ADAMTS12: variants seen among roughly 807,000 people sequenced by gnomAD.
The protein encoded by ADAMTS12 is ADAM metallopeptidase with thrombospondin type 1 motif 12.
A neutral mutation model predicts 167.8 loss-of-function variants in ADAMTS12; 118 were observed. The observed-to-expected ratio is 0.70, with a 90% CI of 0.61 to 0.82. The LOEUF is 0.82. ADAMTS12 is among the 40% of genes least tolerant of loss of function. ADAMTS12 has a pLI of 0.00. For missense variants in ADAMTS12, 1,916 were observed against 1,998.8 expected (o/e 0.96, Z 0.79); for synonymous variants, 704 against 716.9 (o/e 0.98, Z 0.29).
chr5:33,857,602 T>C (rs907000853), intron 2 of ADAMTS12, among the ~76,000 whole-genome samples: 1 of 152,138 alleles, frequency 6.6e-6, no homozygotes, highest in African/African-American at 2.4e-5. Flanking sequence ...GAAAAAAAAC[T>C]GAAGCTCCAA....
At chr5:33,857,179 C>G (rs1478727347) in intron 2 of ADAMTS12, among the ~76,000 whole-genome samples, 1 of 152,168 alleles carries the variant, frequency 6.6e-6, no homozygotes, top group Non-Finnish European at 1.5e-5. Context: ...ACAAATACGG[C>G]ATGATCTCAC....
chr5:33,648,274 A>G (rs1241773564), intron 9 of ADAMTS12, among the ~76,000 whole-genome samples: 1 of 152,244 alleles, frequency 6.6e-6, no homozygotes, highest in Non-Finnish European at 1.5e-5. Context: ...GAGACTAGGT[A>G]GGAGATAATT....
At chr5:33,647,115 A>G (rs1282569789) in intron 9 of ADAMTS12, among the ~76,000 whole-genome samples, 2 of 152,234 alleles carry the variant, frequency 1.3e-5, no homozygotes, top group African/African-American at 4.8e-5. Context: ...TAAATTCCAT[A>G]TACATATAAT....
At chr5:33,589,197 A>C (rs1460075452) in intron 17 of ADAMTS12, among the ~76,000 whole-genome samples, 2 of 152,240 alleles carry the variant, frequency 1.3e-5, no homozygotes, top group Non-Finnish European at 2.9e-5. Context: ...GTTGTACATG[A>C]AATGAAAGAC....
At chr5:33,799,388 C>T (rs751853238) in intron 2 of ADAMTS12, among the ~76,000 whole-genome samples, 3 of 152,224 alleles carry the variant, frequency 2.0e-5, no homozygotes, top group South Asian at 2.1e-4. Context: ...CAAGGGGCTG[C>T]TCATACTTCT....
intron 3 of ADAMTS12, among the ~76,000 whole-genome samples, chr5:33,706,486 A>G (rs1743205150): frequency 6.6e-6 from 1 of 152,144 alleles, no homozygotes; most frequent in Non-Finnish European, 1.5e-5. Flanking sequence ...TTGTTGGTTT[A>G]AAGTCTGTAT....
At chr5:33,589,327 C>T (rs1015173144) in intron 17 of ADAMTS12, among the ~76,000 whole-genome samples, 4 of 152,144 alleles carry the variant, frequency 2.6e-5, no homozygotes, top group African/African-American at 9.7e-5. Context: ...GACTCTAGGT[C>T]TCCTGGCTCT....
Position 33,576,710 on chromosome 5 carries a change from CA to C in ADAMTS12, c.3315del (p.Asn1105LysfsTer16). On this transcript the variant is annotated frameshift_variant, in exon 19 of 24. Transcript: ENST00000504830. LOFTEE classifies it high-confidence loss of function. ...QSLSIQPSEE[N>X]VSSSDTGPTS... Reference sequence around the variant, plus strand: ...GTAGGACCAGTATCTGAACTGGAAACATTTTCCTCACTTGGCTGAATGCTCA... The same window carrying C: ...GTAGGACCAGTATCTGAACTGGAAACTTTTCCTCACTTGGCTGAATGCTCA... The C allele has an allele frequency of 6.2e-7, 1 of 1,614,204 alleles. No individual in the cohort carries two copies. Among genetic ancestry groups the C allele is most frequent in the South Asian group, 1.1e-5 (1 of 91,086 alleles).
intron 16 of ADAMTS12, among the ~76,000 whole-genome samples, chr5:33,612,676 T>A (rs1211058652): frequency 6.6e-6 from 1 of 152,130 alleles, no homozygotes; most frequent in Non-Finnish European, 1.5e-5. Flanking sequence ...TCAAGGGAAA[T>A]TTTTTTCACC....
intron 22 of ADAMTS12, among the ~76,000 whole-genome samples, chr5:33,545,800 G>C (rs1033086667): frequency 2.2e-5 from 3 of 135,082 alleles, no homozygotes; most frequent in Non-Finnish European, 3.1e-5. Context: ...TCATAGGTGG[G>C]AACTGAACAA....
chr5:33,554,365 C>T (rs1476962038), intron 20 of ADAMTS12, among the ~76,000 whole-genome samples: 1 of 152,126 alleles, frequency 6.6e-6, no homozygotes, highest in Non-Finnish European at 1.5e-5. Context: ...GTGGTCTGGA[C>T]ATTGGTGGTC....
At chr5:33,779,388 G>A (rs1388051858) in intron 2 of ADAMTS12, among the ~76,000 whole-genome samples, 1 of 152,036 alleles carries the variant, frequency 6.6e-6, no homozygotes, top group Non-Finnish European at 1.5e-5. Flanking sequence ...GTTTCACCAT[G>A]TTGGTCAGGC....
At chr5:33,530,202 A>T (rs149203601) in intron 23 of ADAMTS12, among the ~76,000 whole-genome samples, 1,862 of 152,226 alleles carry the variant, frequency 0.012, 36 homozygotes, top group African/African-American at 0.043. Flanking sequence ...CTAGGATTAC[A>T]GGTGTGAGCC....
At chr5:33,691,652 T>C (rs533623385) in intron 3 of ADAMTS12, among the ~76,000 whole-genome samples, 2 of 152,310 alleles carry the variant, frequency 1.3e-5, no homozygotes, top group South Asian at 2.1e-4. Flanking sequence ...AGATGGGTGA[T>C]GGACCAGCAA....
intron 2 of ADAMTS12, among the ~76,000 whole-genome samples, chr5:33,792,111 C>T (rs1009983800): frequency 4.6e-5 from 7 of 151,642 alleles, no homozygotes; most frequent in African/African-American, 1.7e-4. Context: ...AATTCTCCTG[C>T]CCCAGGCTCC....
chr5:33,725,381 G>C (rs942075623), intron 3 of ADAMTS12, among the ~76,000 whole-genome samples: 3 of 152,156 alleles, frequency 2.0e-5, no homozygotes, highest in African/African-American at 7.2e-5. Flanking sequence ...AGAGCCAGCT[G>C]TTCCTCCCCT....
At chr5:33,627,929 G>A (rs11742209) in intron 13 of ADAMTS12, among the ~76,000 whole-genome samples, 53,105 of 152,020 alleles carry the variant, frequency 0.35, 10,380 homozygotes, top group African/African-American at 0.54. Flanking sequence ...TAGGTGGATT[G>A]AAGACATTGA....
intron 19 of ADAMTS12, among the ~76,000 whole-genome samples, chr5:33,567,028 T>C (rs925716114): frequency 6.6e-6 from 1 of 152,232 alleles, no homozygotes; most frequent in Non-Finnish European, 1.5e-5. Context: ...AATCATCACC[T>C]TGTATTGCCT....
chr5:33,793,677 C>G (rs944429383), intron 2 of ADAMTS12, among the ~76,000 whole-genome samples: 3 of 152,102 alleles, frequency 2.0e-5, no homozygotes, highest in Non-Finnish European at 2.9e-5. Context: ...TTAATATCCA[C>G]AGCAACTCAG....
Sources: allele counts gnomAD v4.1 joint callset (sites outside exome capture counted in the v4.1 genomes callset), GRCh38; gene constraint gnomAD v4.1.1; transcripts MANE v1.5; gene names NCBI Gene and HGNC (gene_info 2026-07-23, HGNC 2026-07-21).